Variants in NEO1 observed in about 807,000 individuals in gnomAD.
NEO1 encodes the protein neogenin 1, also known as neogenin.
NEO1 carries 63 observed loss-of-function variants against 159.7 expected under a neutral mutation model. The ratio of observed to expected loss-of-function variants is 0.39; its 90% CI spans 0.32 to 0.49. The LOEUF (loss-of-function observed/expected upper bound fraction) is 0.49. Among genes scored for constraint, NEO1 ranks in the 20% least tolerant of loss-of-function variants. The pLI, the probability that NEO1 is intolerant of heterozygous loss-of-function variation, is 0.85. For synonymous variants in NEO1, 633 were observed against 662.0 expected (o/e 0.96, Z 0.67); for missense variants, 1,615 against 1,831.0 (o/e 0.88, Z 2.15).
intron 7 of NEO1, among the ~76,000 whole-genome samples, chr15:73,207,236 A>G (rs1021811746): frequency 1.3e-5 from 2 of 152,234 alleles, no homozygotes; most frequent in African/African-American, 4.8e-5. Flanking sequence ...TATTTTAATC[A>G]TTACTTAAAC....
At chr15:73,275,163 TCA>T (rs2041350267) in intron 21 of NEO1, among the ~76,000 whole-genome samples, 1 of 152,216 alleles carries the variant, frequency 6.6e-6, no homozygotes, top group South Asian at 2.1e-4. Context: ...GAAAGTTGTA[TCA>T]CATTCAGTGA....
In NEO1 at chr15:73,067,062, C is replaced by G. The variant is rs551029254; in HGVS notation, c.130+14257C>G. Reference sequence around the variant, plus strand: ...AGCTGAATTCTCTCAATGCCTCTTTCATCATTTCTGTTATTTGTGGAAGTT... The same window carrying G: ...AGCTGAATTCTCTCAATGCCTCTTTGATCATTTCTGTTATTTGTGGAAGTT... On this transcript the variant is annotated intron_variant, in intron 1 of 28. Transcript: ENST00000261908. 1.1e-4 allele frequency among the ~76,000 whole-genome samples: 16 copies of G among 152,318 alleles called. No individual in the cohort carries two copies. In the South Asian group the frequency reaches 3.3e-3, roughly 32 times the overall value.
At chr15:73,061,368 C>T (rs542443564) in intron 1 of NEO1, among the ~76,000 whole-genome samples, 17 of 152,296 alleles carry the variant, frequency 1.1e-4, no homozygotes, top group African/African-American at 3.6e-4. Context: ...CTTTTATCCC[C>T]TCCTACTGTA....
intron 5 of NEO1, among the ~76,000 whole-genome samples, chr15:73,153,037 C>G (rs1345209825): frequency 6.6e-6 from 1 of 152,126 alleles, no homozygotes; most frequent in African/African-American, 2.4e-5. Context: ...AGTTTGAAGG[C>G]CTGAGAGCTG....
rs372178798 is a variant in NEO1 at position 73,096,400 on chromosome 15, G to A, written c.131-20140G>A. On this transcript the variant is annotated intron_variant, in intron 1 of 28. Transcript: ENST00000261908. ...GAAGAATTGCAACAGGAGATGAAAC[G>A]TGGCTTTACCAGTACAATGTTGAAG... Among the ~76,000 whole-genome samples the A allele has an allele frequency of 5.1e-4, 78 of 152,268 alleles. No homozygotes were observed. In the South Asian group the frequency reaches 0.016, roughly 31 times the overall value.
intron 1 of NEO1, among the ~76,000 whole-genome samples, chr15:73,098,260 A>G (rs749439047): frequency 6.6e-6 from 1 of 152,172 alleles, no homozygotes; most frequent in Non-Finnish European, 1.5e-5. Context: ...GTGTGATTTT[A>G]ATGACAGCTG....
chr15:73,157,432 G>A (rs942069734), intron 5 of NEO1, among the ~76,000 whole-genome samples: 2 of 152,206 alleles, frequency 1.3e-5, no homozygotes, highest in African/African-American at 2.4e-5. Context: ...CCCTGGAGCA[G>A]TTCCTTGTCC....
intron 7 of NEO1, among the ~76,000 whole-genome samples, chr15:73,209,551 T>C (rs1424353418): frequency 6.6e-6 from 1 of 152,214 alleles, no homozygotes; most frequent in Non-Finnish European, 1.5e-5. Context: ...GGAAATGAAC[T>C]CTATCAGAAT....
chr15:73,151,166 T>C (rs2033340127), intron 5 of NEO1, among the ~76,000 whole-genome samples: 1 of 152,216 alleles, frequency 6.6e-6, no homozygotes, highest in Non-Finnish European at 1.5e-5. Flanking sequence ...GTAGCATTTC[T>C]ATATGGTTTT....
intron 4 of NEO1, among the ~76,000 whole-genome samples, chr15:73,132,341 G>A (rs943071808): frequency 6.6e-6 from 1 of 152,032 alleles, no homozygotes; most frequent in African/African-American, 2.4e-5. Context: ...TTCTGCTTTA[G>A]TGTTTTCCCA....
intron 2 of NEO1, among the ~76,000 whole-genome samples, chr15:73,120,011 C>A (rs2071543750): frequency 6.6e-6 from 1 of 152,100 alleles, no homozygotes; most frequent in Non-Finnish European, 1.5e-5. Flanking sequence ...TGGTGCCCGC[C>A]TGTAATCCCA....
At chr15:73,147,435 T>C (rs894426367) in intron 5 of NEO1, among the ~76,000 whole-genome samples, 17 of 152,228 alleles carry the variant, frequency 1.1e-4, no homozygotes, top group African/African-American at 4.1e-4. Context: ...TTGTGGTCTT[T>C]GAGCCAAGCC....
chr15:73,298,207 C>G, intron 26 of NEO1, 141 bp from the exon 27 acceptor site: 1 of 974,198 alleles, frequency 1.0e-6, no homozygotes, highest in South Asian at 1.7e-5. Context: ...GGCAGTGGTG[C>G]TAATCCATGT....
In NEO1 at chr15:73,153,422, A is replaced by G. The variant is rs543041514; in HGVS notation, c.1015+17395A>G. Among the ~76,000 whole-genome samples the G allele has an allele frequency of 2.0e-5, 3 of 152,054 alleles. No individual in the cohort carries two copies. The East Asian group carries it at 5.8e-4, about 29-fold the overall frequency. On this transcript the variant is annotated intron_variant, in intron 5 of 28. Coordinates refer to ENST00000261908, the MANE Select transcript of NEO1 (RefSeq NM_002499.4). ...ACAAAATCTAATCACTGCATTGGCA[A>G]AACACCATTTCTCCCCAAAACCCTG...
chr15:73,175,872 C>A (rs1440205267), intron 5 of NEO1, among the ~76,000 whole-genome samples: 1 of 152,042 alleles, frequency 6.6e-6, no homozygotes, highest in African/African-American at 2.4e-5. Flanking sequence ...TATCCTTTCC[C>A]CGTCACCCTG....
intron 4 of NEO1, 105 bp from the exon 5 acceptor site, chr15:73,135,786 A>G: frequency 9.7e-7 from 1 of 1,034,996 alleles, no homozygotes; most frequent in Non-Finnish European, 1.3e-6. Flanking sequence ...CTATATAAAT[A>G]ATAATACTCT....
intron 1 of NEO1, among the ~76,000 whole-genome samples, chr15:73,108,226 T>C (rs1419354284): frequency 6.6e-6 from 1 of 152,232 alleles, no homozygotes; most frequent in Non-Finnish European, 1.5e-5. Context: ...AGAATTGTTT[T>C]GGAGAATTTC....
intron 1 of NEO1, among the ~76,000 whole-genome samples, chr15:73,103,658 G>A (rs940496277): frequency 6.6e-6 from 1 of 152,204 alleles, no homozygotes; most frequent in Admixed American, 6.5e-5. Context: ...CAGATAGTAA[G>A]TGTCTTGTTC....
chr15:73,164,010 CTTTTTCTTATTTTTTTTT>C (rs1008631375), intron 5 of NEO1, among the ~76,000 whole-genome samples: 17 of 131,446 alleles, frequency 1.3e-4, no homozygotes, highest in African/African-American at 2.9e-4. Flanking sequence ...TATTTTGTTT[CTTTTTCTTATTTTTTTTT>C]TTTTTCTTAT....
Sources: allele counts gnomAD v4.1 joint callset (sites outside exome capture counted in the v4.1 genomes callset), GRCh38; gene constraint gnomAD v4.1.1; transcripts MANE v1.5; gene names NCBI Gene and HGNC (gene_info 2026-07-23, HGNC 2026-07-21).